The following TRAPPC6B variants were observed in gnomAD, a reference collection of about 807,000 sequenced individuals.
TRAPPC6B encodes TRAPP complex subunit 6B.
In TRAPPC6B, 27 loss-of-function variants were observed where a neutral mutation model predicts 24.7. The ratio of observed to expected loss-of-function variants is 1.09; its 90% CI spans 0.81 to 1.51. The LOEUF (loss-of-function observed/expected upper bound fraction) is 1.51, where lower values mean the gene tolerates loss of function less well. Ranked by LOEUF, TRAPPC6B falls within the 40% of genes most tolerant of loss-of-function variation. TRAPPC6B has a pLI of 0.00. For synonymous variants in TRAPPC6B, 80 were observed against 66.6 expected, an observed-to-expected ratio of 1.20 and a Z score of -0.98; for missense variants, 212 against 190.8, an observed-to-expected ratio of 1.11 and a Z score of -0.66.
In TRAPPC6B at chr14:39,148,868, T is replaced by C; in HGVS notation, c.*1482A>G. 1 of 397,470 alleles carries C rather than the reference T, an allele frequency of 2.5e-6. No homozygotes were observed. The highest frequency in any genetic ancestry group is 3.6e-5 in the East Asian group (1 of 27,970). 24.6% of individuals were successfully genotyped at this position (397,470 alleles called of 1,614,324 possible). Reference sequence around the variant, plus strand: ...CACAAACCTAGATGGTATGATCTACTATACACCTAAGCTATGGCCTATTGC... The same window carrying C: ...CACAAACCTAGATGGTATGATCTACCATACACCTAAGCTATGGCCTATTGC... On this transcript the variant is annotated 3_prime_UTR_variant, in exon 6 of 6. Coordinates refer to ENST00000330149, the MANE Select transcript of TRAPPC6B (RefSeq NM_001079537.2).
chr14:39,154,001 G>C (rs771902314), intron 4 of TRAPPC6B, among the ~76,000 whole-genome samples: 1 of 152,000 alleles, frequency 6.6e-6, no homozygotes, highest in African/African-American at 2.4e-5. Context: ...CATAGCGCCC[G>C]GCCAGTGTTT....
At chr14:39,167,626 G>A (rs1284960910) in intron 1 of TRAPPC6B, among the ~76,000 whole-genome samples, 4 of 151,994 alleles carry the variant, frequency 2.6e-5, no homozygotes, top group African/African-American at 7.2e-5. Context: ...TTATATACCC[G>A]TATTTCAGTA....
rs1195434069 is a variant in TRAPPC6B at position 39,148,120 on chromosome 14, T to C, written c.*2230A>G. 1.3e-5 allele frequency: 2 copies of C among 152,304 alleles called. No individual in the cohort carries two copies. Among genetic ancestry groups the C allele is most frequent in the Non-Finnish European group, 2.9e-5 (2 of 68,102 alleles). 9.4% of individuals were successfully genotyped at this position (152,304 alleles called of 1,614,324 possible). ...TATCTACATCCCACTATTCTCAGTGTGATAGCTTTCATCTCCATACTTGTC... is the reference window on the plus strand; with the variant it reads ...TATCTACATCCCACTATTCTCAGTGCGATAGCTTTCATCTCCATACTTGTC... On this transcript the variant is annotated 3_prime_UTR_variant, in exon 6 of 6. Coordinates refer to ENST00000330149, the MANE Select transcript of TRAPPC6B (RefSeq NM_001079537.2).
chr14:39,158,439 C>T (rs987071428), intron 2 of TRAPPC6B, 37 bp from the exon 3 acceptor site: 11 of 1,251,714 alleles, frequency 8.8e-6, no homozygotes, highest in Non-Finnish European at 1.0e-5. Flanking sequence ...AGTATTTCTC[C>T]TCCAAAAAAA....
At position 39,166,301 on chromosome 14, in the gene TRAPPC6B, T is replaced by G. The variant is rs114506322; in HGVS notation, c.81+3714A>C. On this transcript the variant is annotated intron_variant, in intron 1 of 5. Coordinates refer to ENST00000330149, the MANE Select transcript of TRAPPC6B (RefSeq NM_001079537.2). ...AACAAGTTCAGCTAGAATAAGTGTC[T>G]GTAAATCATGATGCTCTTTTTGGAA... Among the ~76,000 whole-genome samples, 1,182 of 151,866 alleles carry G rather than the reference T, an allele frequency of 7.8e-3. 13 individuals are homozygous for G. Among genetic ancestry groups the G allele is most frequent in the African/African-American group, 0.026 (1,078 of 41,426 alleles).
chr14:39,154,642 A>T (rs1319683746), intron 3 of TRAPPC6B, among the ~76,000 whole-genome samples: 2 of 151,584 alleles, frequency 1.3e-5, no homozygotes, highest in African/African-American at 4.9e-5. Flanking sequence ...CTGGTCTCAA[A>T]CTCCTGGGCT....
At chr14:39,160,352 A>T (rs1225528413) in intron 1 of TRAPPC6B, among the ~76,000 whole-genome samples, 1 of 152,092 alleles carries the variant, frequency 6.6e-6, no homozygotes, top group Non-Finnish European at 1.5e-5. Flanking sequence ...CCAAAGCAGG[A>T]GGATCACTTG....
chr14:39,168,597 T>C (rs2053132630), intron 1 of TRAPPC6B, among the ~76,000 whole-genome samples: 1 of 152,164 alleles, frequency 6.6e-6, no homozygotes, highest in African/African-American at 2.4e-5. Flanking sequence ...TAACTCATTA[T>C]CTTACCTCCT....
At chr14:39,151,316 G>C (rs930353085) in intron 5 of TRAPPC6B, among the ~76,000 whole-genome samples, 1 of 150,972 alleles carries the variant, frequency 6.6e-6, no homozygotes, top group Non-Finnish European at 1.5e-5. Context: ...CGTGAACCCG[G>C]GAGGTGGAGC....
chr14:39,170,118 T>TC lies in TRAPPC6B; in HGVS notation c.-24dup. 13 of 1,613,812 alleles carry TC rather than the reference T, an allele frequency of 8.1e-6. No homozygotes were observed. The highest frequency in any genetic ancestry group is 1.1e-5 in the Non-Finnish European group (13 of 1,179,776). ...CATTTCCTGCTAATTCTTCCAAGCT[T>TC]CGAGTTTTGGCTCCCGTTTGAGCTG... On this transcript the variant is annotated 5_prime_UTR_variant, in exon 1 of 6. Coordinates refer to ENST00000330149, the MANE Select transcript of TRAPPC6B (RefSeq NM_001079537.2).
At chr14:39,153,230 T>G (rs1353988340) in intron 4 of TRAPPC6B, among the ~76,000 whole-genome samples, 1 of 149,274 alleles carries the variant, frequency 6.7e-6, no homozygotes, top group African/African-American at 2.5e-5. Context: ...AGGCAGAGGT[T>G]GCAGTGAGTC....
At chr14:39,153,822 A>G (rs1263732648) in intron 4 of TRAPPC6B, among the ~76,000 whole-genome samples, 1 of 150,568 alleles carries the variant, frequency 6.6e-6, no homozygotes, top group African/African-American at 2.5e-5. Flanking sequence ...CTCCTGCCTC[A>G]GCCTCCCGAA....
chr14:39,163,894 C>A (rs2053082310), intron 1 of TRAPPC6B, among the ~76,000 whole-genome samples: 1 of 150,836 alleles, frequency 6.6e-6, no homozygotes. Context: ...TGCTCTGCCT[C>A]CAAAATTTCC....
rs573872981 is a variant in TRAPPC6B at position 39,148,043 on chromosome 14, G to C, written c.*2307C>G. On this transcript the variant is annotated 3_prime_UTR_variant, in exon 6 of 6. Coordinates refer to ENST00000330149, the MANE Select transcript of TRAPPC6B (RefSeq NM_001079537.2). ...TATCTCACATAACAAAAAGTCCAAA[G>C]GTAAAGCAGTTCCTGGATTGGTTAA... The C allele has an allele frequency of 6.6e-6, 1 of 152,124 alleles. No individual in the cohort carries two copies. The highest frequency in any genetic ancestry group is 6.6e-5 in the Admixed American group (1 of 15,254). The allele number at this position is 152,124 out of a possible 1,614,324, so 9.4% of individuals were successfully genotyped here.
Position 39,153,630 on chromosome 14 carries a change from TA to T in TRAPPC6B, c.351+580del, listed in dbSNP as rs1297497878. Among the ~76,000 whole-genome samples the T allele has an allele frequency of 4.5e-3, 610 of 135,214 alleles. 1 individual carries two copies. The highest frequency in any genetic ancestry group is 4.6e-3 in the African/African-American group (169 of 36,908). 88.7% of individuals were successfully genotyped at this position (135,214 alleles called of 152,430 possible). ...TAGATGACAGAGCAAGACCTTGTCT[TA>T]AAAAAAAAAAAAAAGTGATCTACCA... On this transcript the variant is annotated intron_variant, in intron 4 of 5. Transcript: ENST00000330149.
chr14:39,151,025 C>T lies in TRAPPC6B; in HGVS notation c.446-644G>A, dbSNP rs1235073196. Among the ~76,000 whole-genome samples the T allele has an allele frequency of 2.0e-5, 3 of 152,002 alleles. No homozygotes were observed. The East Asian group carries it at 5.8e-4, about 29-fold the overall frequency. On this transcript the variant is annotated intron_variant, in intron 5 of 5. Coordinates refer to ENST00000330149, the MANE Select transcript of TRAPPC6B (RefSeq NM_001079537.2). Reference sequence around the variant, plus strand: ...TCTGGTGAAAAGATCTTTAGGGAGACATTTAGTGATAAAAGAATATTTGGT... The same window carrying T: ...TCTGGTGAAAAGATCTTTAGGGAGATATTTAGTGATAAAAGAATATTTGGT...
intron 1 of TRAPPC6B, among the ~76,000 whole-genome samples, chr14:39,169,698 C>G (rs2053144755): frequency 6.6e-6 from 1 of 152,244 alleles, no homozygotes; most frequent in East Asian, 1.9e-4. Flanking sequence ...ACTAAGTAGG[C>G]TCTGCAGTTA....
At chr14:39,164,351 G>A (rs2053087238) in intron 1 of TRAPPC6B, among the ~76,000 whole-genome samples, 1 of 152,156 alleles carries the variant, frequency 6.6e-6, no homozygotes, top group African/African-American at 2.4e-5. Context: ...CATTAGCTGG[G>A]CATGGTGGCG....
At chr14:39,161,814 G>T (rs1253641394) in intron 1 of TRAPPC6B, among the ~76,000 whole-genome samples, 1 of 152,168 alleles carries the variant, frequency 6.6e-6, no homozygotes, top group African/African-American at 2.4e-5. Context: ...AATCCTGGGT[G>T]ATCTCTCTCA....
Sources: allele counts gnomAD v4.1 joint callset (sites outside exome capture counted in the v4.1 genomes callset), GRCh38; gene constraint gnomAD v4.1.1; transcripts MANE v1.5; gene names NCBI Gene and HGNC (gene_info 2026-07-23, HGNC 2026-07-21).